The following NYAP2 variants were observed in gnomAD, a reference collection of about 807,000 sequenced individuals.
NYAP2 encodes neuronal tyrosine-phosphorylated phosphoinositide-3-kinase adaptor 2, also known as neuronal tyrosine-phosphorylated phosphoinositide-3-kinase adapter 2.
Under a neutral mutation model 50.4 loss-of-function variants are expected in NYAP2, and 23 were observed. That is an observed-to-expected ratio of 0.46 (90% CI 0.33 to 0.65). The LOEUF is 0.65. Ranked by LOEUF, NYAP2 falls within the 30% of genes least tolerant of loss-of-function variation. The pLI, the probability that NYAP2 is intolerant of heterozygous loss-of-function variation, is 0.02. For missense variants in NYAP2, 885 were observed against 861.0 expected (o/e 1.03, Z -0.35); for synonymous variants, 394 against 365.2 (o/e 1.08, Z -0.90).
At chr2:225,503,937 T>A (rs10498190) in intron 3 of NYAP2, among the ~76,000 whole-genome samples, 47,931 of 152,018 alleles carry the variant, frequency 0.32, 7,705 homozygotes, top group South Asian at 0.48. Flanking sequence ...TGAAGCCCTC[T>A]TACAAAAATA....
intron 3 of NYAP2, among the ~76,000 whole-genome samples, chr2:225,431,514 CA>C (rs1196607534): frequency 6.6e-6 from 1 of 152,162 alleles, no homozygotes; most frequent in East Asian, 1.9e-4. Context: ...CTTTGAACTT[CA>C]AGGGAGTCTA....
chr2:225,620,416 TGCACGCACAC>T (rs1282600486), intron 5 of NYAP2, among the ~76,000 whole-genome samples: 3 of 146,768 alleles, frequency 2.0e-5, no homozygotes, highest in Admixed American at 6.7e-5. Flanking sequence ...CACGCACACA[TGCACGCACAC>T]GCACGCACAC....
intron 3 of NYAP2, among the ~76,000 whole-genome samples, chr2:225,439,283 G>A (rs1015762657): frequency 6.6e-6 from 1 of 152,182 alleles, no homozygotes; most frequent in South Asian, 2.1e-4. Flanking sequence ...TAAAGAAGGG[G>A]ATTAAGCCAG....
the NYAP2 span, among the ~76,000 whole-genome samples, chr2:225,679,283 T>C: frequency 1.3e-5 from 2 of 152,088 alleles, no homozygotes; most frequent in Admixed American, 1.3e-4. Context: ...AAATTAAAAC[T>C]AACCACTGAG....
intron 3 of NYAP2, among the ~76,000 whole-genome samples, chr2:225,464,146 C>T (rs1299805057): frequency 1.3e-5 from 2 of 152,136 alleles, no homozygotes; most frequent in Non-Finnish European, 2.9e-5. Flanking sequence ...GGGAGACCCA[C>T]AAACAGAGAC....
chr2:225,634,068 G>A (rs1453877514), intron 6 of NYAP2, among the ~76,000 whole-genome samples: 1 of 152,140 alleles, frequency 6.6e-6, no homozygotes, highest in South Asian at 2.1e-4. Context: ...GCTAGCAATA[G>A]CAACACTGGT....
At chr2:225,468,115 G>C (rs1279976669) in intron 3 of NYAP2, among the ~76,000 whole-genome samples, 1 of 152,138 alleles carries the variant, frequency 6.6e-6, no homozygotes, top group African/African-American at 2.4e-5. Flanking sequence ...GATGTTGAAG[G>C]CCCAACTTCT....
intron 5 of NYAP2, among the ~76,000 whole-genome samples, chr2:225,625,396 A>T (rs1256038341): frequency 5.9e-5 from 9 of 152,202 alleles, no homozygotes; most frequent in African/African-American, 2.2e-4. Flanking sequence ...AAACCTCAAT[A>T]CCTGCCTTAA....
intron 3 of NYAP2, among the ~76,000 whole-genome samples, chr2:225,418,161 G>T (rs528059871): frequency 2.0e-5 from 3 of 152,258 alleles, no homozygotes; most frequent in African/African-American, 7.2e-5. Flanking sequence ...AGGAAAAACA[G>T]ATTTCTAAGG....
rs1218599542 is a variant in NYAP2, at chr2:225,400,290, G to T, written c.-501+35G>T. On this transcript the variant is annotated intron_variant, in intron 1 of 6. Coordinates refer to ENST00000636099, the Ensembl canonical transcript of NYAP2. The stretch of plus-strand genomic sequence containing the variant: ...TTGTTTCAGAATCCCTGATTAATCA[G>T]CAGCAGCTTCAACAGACTAAGGCAG... The T allele has an allele frequency of 3.3e-5, 5 of 149,594 alleles. No homozygotes were observed. In the East Asian group the frequency reaches 1.0e-3, roughly 31 times the overall value. 9.3% of individuals were successfully genotyped at this position (149,594 alleles called of 1,614,324 possible).
intron 4 of NYAP2, among the ~76,000 whole-genome samples, chr2:225,519,318 A>T (rs1292780477): frequency 2.6e-5 from 4 of 151,566 alleles, no homozygotes; most frequent in Non-Finnish European, 4.4e-5. Flanking sequence ...CATGCGCACA[A>T]TGTGCAGGTT....
At chr2:225,407,770 T>TG (rs2106118323) in intron 2 of NYAP2, among the ~76,000 whole-genome samples, 1 of 152,090 alleles carries the variant, frequency 6.6e-6, no homozygotes, top group South Asian at 2.1e-4. Flanking sequence ...ACTTTGCTTT[T>TG]GGTTTTTTAA....
chr2:225,399,043 A>G (rs1694815302), upstream of NYAP2, among the ~76,000 whole-genome samples: 1 of 152,060 alleles, frequency 6.6e-6, no homozygotes, highest in African/African-American at 2.4e-5. Flanking sequence ...ACTATTTTCT[A>G]AGACTTTGGT....
intron 5 of NYAP2, among the ~76,000 whole-genome samples, chr2:225,614,957 A>G (rs983164174): frequency 3.9e-5 from 6 of 152,134 alleles, no homozygotes; most frequent in African/African-American, 1.4e-4. Context: ...AAGATGGGCT[A>G]CTCTTCCAGG....
At chr2:225,444,194 G>C (rs776415938) in intron 3 of NYAP2, among the ~76,000 whole-genome samples, 2 of 151,924 alleles carry the variant, frequency 1.3e-5, no homozygotes, top group African/African-American at 2.4e-5. Flanking sequence ...TTCCCAGAGA[G>C]ATTTGTTTTC....
At chr2:225,637,166 C>T (rs1395275606) in intron 6 of NYAP2, among the ~76,000 whole-genome samples, 3 of 152,140 alleles carry the variant, frequency 2.0e-5, no homozygotes, top group East Asian at 1.9e-4. Context: ...AAACTCTACT[C>T]GCCTGCCTTT....
At chr2:225,502,082 T>G (rs1690617845) in intron 3 of NYAP2, among the ~76,000 whole-genome samples, 1 of 152,194 alleles carries the variant, frequency 6.6e-6, no homozygotes, top group Admixed American at 6.5e-5. Context: ...GGATTTTTAG[T>G]CCAAAGAAAT....
chr2:225,553,621 T>A (rs961817217), intron 4 of NYAP2, among the ~76,000 whole-genome samples: 4 of 152,208 alleles, frequency 2.6e-5, no homozygotes, highest in Non-Finnish European at 5.9e-5. Flanking sequence ...ATCGGACAAG[T>A]GTTCTTTATT....
At chr2:225,481,633 C>G (rs868423700) in intron 3 of NYAP2, among the ~76,000 whole-genome samples, 1 of 152,106 alleles carries the variant, frequency 6.6e-6, no homozygotes, top group Non-Finnish European at 1.5e-5. Flanking sequence ...AGCTACTTCT[C>G]TCTTGCAAAC....
Sources: gnomAD v4.1 joint callset for allele counts (sites outside exome capture counted in the v4.1 genomes callset) on GRCh38, gnomAD v4.1.1 for gene constraint, MANE v1.5 for transcripts, NCBI Gene and HGNC (gene_info 2026-07-23, HGNC 2026-07-21) for gene names.